The following ERBB4 variants were observed in gnomAD, a reference collection of about 807,000 sequenced individuals.
ERBB4 encodes the protein receptor tyrosine-protein kinase erbB-4.
A neutral mutation model predicts 158.0 loss-of-function variants in ERBB4; 42 were observed. The ratio of observed to expected loss-of-function variants is 0.27; its 90% CI spans 0.21 to 0.34. The LOEUF is 0.34. ERBB4 is among the 10% of genes least tolerant of loss of function. The pLI, the probability that ERBB4 is intolerant of heterozygous loss-of-function variation, is 1.00. For synonymous variants in ERBB4, 583 were observed against 558.7 expected, an observed-to-expected ratio of 1.04 and a Z score of -0.61; for missense variants, 1,333 against 1,624.1, an observed-to-expected ratio of 0.82 and a Z score of 3.08.
At chr2:212,379,750 GA>G (rs1403470221) in intron 1 of ERBB4, among the ~76,000 whole-genome samples, 2 of 151,114 alleles carry the variant, frequency 1.3e-5, no homozygotes, top group Non-Finnish European at 3.0e-5. Flanking sequence ...TATTTTGGGG[GA>G]AAAACACTCA....
intron 12 of ERBB4, among the ~76,000 whole-genome samples, chr2:211,691,218 G>T (rs1239087589): frequency 6.6e-6 from 1 of 152,062 alleles, no homozygotes; most frequent in African/African-American, 2.4e-5. Context: ...TAATTACCCA[G>T]GTAGCCTTGG....
At chr2:211,703,927 G>A (rs2073344149) in intron 11 of ERBB4, among the ~76,000 whole-genome samples, 177 bp downstream of exon 11, 1 of 152,136 alleles carries the variant, frequency 6.6e-6, no homozygotes, top group Non-Finnish European at 1.5e-5. Flanking sequence ...TATGTATTCT[G>A]TAATACCTCA....
chr2:211,750,761 C>T (rs1044045765), intron 4 of ERBB4, 57 bp from the exon 5 acceptor site: 4 of 1,393,648 alleles, frequency 2.9e-6, no homozygotes, highest in Non-Finnish European at 4.1e-6. Flanking sequence ...CACTCCTTGA[C>T]TAGGAGTAAC....
At chr2:212,095,658 C>A (rs1169528589) in intron 2 of ERBB4, among the ~76,000 whole-genome samples, 1 of 152,076 alleles carries the variant, frequency 6.6e-6, no homozygotes, top group Non-Finnish European at 1.5e-5. Context: ...TTTGGCCGGG[C>A]GCGGTGGCTC....
At chr2:212,501,081 C>T (rs1434879272) in intron 1 of ERBB4, among the ~76,000 whole-genome samples, 1 of 152,158 alleles carries the variant, frequency 6.6e-6, no homozygotes, top group East Asian at 1.9e-4. Flanking sequence ...AGCTACACAA[C>T]TCTCTCTTCA....
At chr2:212,192,261 C>T (rs778698811) in intron 1 of ERBB4, among the ~76,000 whole-genome samples, 2 of 116,254 alleles carry the variant, frequency 1.7e-5, no homozygotes, top group African/African-American at 6.3e-5. Context: ...TTCCCCTATA[C>T]TCTGTCTGCA....
At chr2:212,128,599 G>A (rs1200687921) in intron 1 of ERBB4, among the ~76,000 whole-genome samples, 4 of 152,154 alleles carry the variant, frequency 2.6e-5, no homozygotes. Flanking sequence ...AGATAATGAT[G>A]AATATTGGCC....
At chr2:212,196,631 G>A (rs1229188961) in intron 1 of ERBB4, among the ~76,000 whole-genome samples, 1 of 152,042 alleles carries the variant, frequency 6.6e-6, no homozygotes, top group Non-Finnish European at 1.5e-5. Context: ...AAGGAAAGAA[G>A]CAGAAATCTC....
intron 1 of ERBB4, among the ~76,000 whole-genome samples, chr2:212,496,343 C>T (rs1157555387): frequency 6.6e-6 from 1 of 151,432 alleles, no homozygotes. Flanking sequence ...TGTGCACGTG[C>T]ATGCATACAC....
At chr2:211,442,343 T>C (rs1361085818) in intron 20 of ERBB4, among the ~76,000 whole-genome samples, 1 of 152,082 alleles carries the variant, frequency 6.6e-6, no homozygotes, top group African/African-American at 2.4e-5. Context: ...TGGGTCACTC[T>C]ACAACATAGT....
intron 1 of ERBB4, among the ~76,000 whole-genome samples, chr2:212,320,364 G>A (rs1413382197): frequency 6.8e-6 from 1 of 147,276 alleles, no homozygotes; most frequent in Non-Finnish European, 1.5e-5. Context: ...GAACAAATAA[G>A]AAATAAAGCA....
At chr2:211,492,698 C>A (rs1380198666) in intron 20 of ERBB4, among the ~76,000 whole-genome samples, 1 of 152,090 alleles carries the variant, frequency 6.6e-6, no homozygotes, top group African/African-American at 2.4e-5. Flanking sequence ...CTCTCTTAAC[C>A]TCCATTCACA....
chr2:211,841,581 T>C (rs1396587963), intron 3 of ERBB4, among the ~76,000 whole-genome samples: 1 of 152,020 alleles, frequency 6.6e-6, no homozygotes, highest in Non-Finnish European at 1.5e-5. Flanking sequence ...TGAAAATGTG[T>C]TATTTTCATT....
intron 1 of ERBB4, among the ~76,000 whole-genome samples, chr2:212,450,798 T>C (rs941849537): frequency 6.9e-6 from 1 of 145,410 alleles, no homozygotes; most frequent in African/African-American, 2.6e-5. Flanking sequence ...ATTACAGATT[T>C]AATGCAGGAA....
intron 3 of ERBB4, among the ~76,000 whole-genome samples, chr2:211,822,139 T>C (rs1192568277): frequency 6.6e-6 from 1 of 151,568 alleles, no homozygotes; most frequent in Admixed American, 6.6e-5. Context: ...ATATTAGAGG[T>C]TGGGAAGGGT....
At chr2:212,464,923 CACA>C (rs1688754964) in intron 1 of ERBB4, among the ~76,000 whole-genome samples, 1 of 151,372 alleles carries the variant, frequency 6.6e-6, no homozygotes, top group Non-Finnish European at 1.5e-5. Context: ...CACACACACA[CACA>C]CCCCTTAGAA....
chr2:211,815,109 A>G (rs999088223), intron 3 of ERBB4, among the ~76,000 whole-genome samples: 40 of 152,202 alleles, frequency 2.6e-4, no homozygotes, highest in African/African-American at 9.2e-4. Flanking sequence ...AATTTCTATA[A>G]GAACAGTCTT....
intron 12 of ERBB4, among the ~76,000 whole-genome samples, chr2:211,701,177 A>T (rs2073222865): frequency 2.0e-5 from 3 of 152,230 alleles, no homozygotes; most frequent in Admixed American, 6.5e-5. Flanking sequence ...TTAATAAAAT[A>T]AACTTTCTTT....
intron 1 of ERBB4, among the ~76,000 whole-genome samples, chr2:212,149,353 T>C (rs1001087355): frequency 6.6e-6 from 1 of 152,128 alleles, no homozygotes; most frequent in Admixed American, 6.6e-5. Context: ...GCTCGTCACA[T>C]GTACTCTTTT....
Sources: allele counts gnomAD v4.1 joint callset (sites outside exome capture counted in the v4.1 genomes callset), GRCh38; gene constraint gnomAD v4.1.1; transcripts MANE v1.5; gene names NCBI Gene and HGNC (gene_info 2026-07-23, HGNC 2026-07-21).